Variants in GABRB1 observed in about 807,000 individuals in gnomAD.
GABRB1 encodes gamma-aminobutyric acid receptor subunit beta-1.
In GABRB1, 17 loss-of-function variants were observed where a neutral mutation model predicts 51.6. The observed-to-expected ratio is 0.33, with a 90% CI of 0.23 to 0.49. GABRB1 has a LOEUF of 0.49. Ranked by LOEUF, GABRB1 falls within the 20% of genes least tolerant of loss-of-function variation. The pLI is 0.99. For synonymous variants in GABRB1, 247 were observed against 218.9 expected (o/e 1.13, Z -1.14); for missense variants, 410 against 600.6 (o/e 0.68, Z 3.32).
At chr4:47,384,446 T>C (rs1176648928) in intron 5 of GABRB1, among the ~76,000 whole-genome samples, 1 of 151,556 alleles carries the variant, frequency 6.6e-6, no homozygotes, top group Non-Finnish European at 1.5e-5. Context: ...AAGGTGAATT[T>C]AAATAAAACA....
At chr4:47,213,701 C>T (rs1720451338) in intron 4 of GABRB1, among the ~76,000 whole-genome samples, 1 of 152,022 alleles carries the variant, frequency 6.6e-6, no homozygotes, top group South Asian at 2.1e-4. Context: ...TCCTGATTCT[C>T]ATTTCTGTTT....
chr4:47,284,703 A>G (rs955935359), intron 4 of GABRB1, among the ~76,000 whole-genome samples: 3 of 152,208 alleles, frequency 2.0e-5, no homozygotes, highest in African/African-American at 7.2e-5. Flanking sequence ...GGCAACCATG[A>G]TTGGTATGTT....
chr4:47,078,824 C>T (rs1449747356), intron 3 of GABRB1, among the ~76,000 whole-genome samples: 3 of 152,164 alleles, frequency 2.0e-5, no homozygotes, highest in Middle Eastern at 6.8e-3. Context: ...TTTTTTTATC[C>T]TCCAATTCCT....
intron 5 of GABRB1, among the ~76,000 whole-genome samples, chr4:47,344,992 G>A (rs1340605621): frequency 2.0e-5 from 3 of 152,104 alleles, no homozygotes; most frequent in Non-Finnish European, 4.4e-5. Context: ...CAAAGTGCTG[G>A]GATTACAGCC....
chr4:47,284,463 G>A (rs1430199386), intron 4 of GABRB1, among the ~76,000 whole-genome samples: 1 of 152,122 alleles, frequency 6.6e-6, no homozygotes, highest in Non-Finnish European at 1.5e-5. Context: ...ACTCAACCCC[G>A]AAATTCATAC....
rs1173636508 is a variant in GABRB1, at chr4:47,394,732, T to TA, written c.545-8575dup. 5.8e-3 allele frequency among the ~76,000 whole-genome samples: 848 copies of TA among 146,220 alleles called. 8 individuals carry two copies. Among genetic ancestry groups the TA allele is most frequent in the African/African-American group, 0.017 (702 of 40,138 alleles). ...TTTGCTGAGGCATTTTTCATCACAT[T>TA]AAAAAAAAAAAGTCCATGGGAGAAA... On this transcript the variant is annotated intron_variant, in intron 5 of 8. Coordinates refer to ENST00000295454, the MANE Select transcript of GABRB1 (RefSeq NM_000812.4).
chr4:47,272,007 G>A (rs1158699446), intron 4 of GABRB1, among the ~76,000 whole-genome samples: 1 of 146,940 alleles, frequency 6.8e-6, no homozygotes, highest in Non-Finnish European at 1.5e-5. Flanking sequence ...TAATAACTTT[G>A]TTATGTACAT....
intron 5 of GABRB1, among the ~76,000 whole-genome samples, chr4:47,353,408 T>C (rs1726436572): frequency 6.6e-6 from 1 of 152,236 alleles, no homozygotes; most frequent in Non-Finnish European, 1.5e-5. Flanking sequence ...ATAACTTGAT[T>C]ATTGCTAACT....
At chr4:47,067,015 G>T (rs1434261047) in intron 3 of GABRB1, among the ~76,000 whole-genome samples, 2 of 152,192 alleles carry the variant, frequency 1.3e-5, no homozygotes, top group East Asian at 3.8e-4. Flanking sequence ...AATGAATGCA[G>T]AATGAATGTT....
intron 5 of GABRB1, among the ~76,000 whole-genome samples, chr4:47,365,862 G>C (rs1472065094): frequency 1.3e-5 from 2 of 152,170 alleles, no homozygotes; most frequent in East Asian, 3.8e-4. Flanking sequence ...CCCAGAGGTG[G>C]TGGTGACTGG....
chr4:47,051,026 G>C (rs535013908), intron 3 of GABRB1, among the ~76,000 whole-genome samples: 121 of 152,070 alleles, frequency 8.0e-4, no homozygotes, highest in African/African-American at 2.7e-3. Flanking sequence ...CTGTGTGTTG[G>C]GTCAAGAAAA....
chr4:47,320,511 T>G (rs1725041760), intron 5 of GABRB1, among the ~76,000 whole-genome samples: 1 of 152,200 alleles, frequency 6.6e-6, no homozygotes, highest in Non-Finnish European at 1.5e-5. Flanking sequence ...AAAGACATTT[T>G]AATATGAAAA....
intron 4 of GABRB1, among the ~76,000 whole-genome samples, chr4:47,283,406 G>A (rs71609488): frequency 6.3e-5 from 4 of 63,118 alleles, no homozygotes; most frequent in South Asian, 5.9e-4. Flanking sequence ...TTTTTTTTGA[G>A]ACAGAGTCTC....
intron 3 of GABRB1, among the ~76,000 whole-genome samples, chr4:47,141,098 A>T (rs142255202): frequency 1.3e-5 from 2 of 151,988 alleles, no homozygotes; most frequent in African/African-American, 4.8e-5. Context: ...TTTTAAAAAA[A>T]AACAACTAAT....
intron 2 of GABRB1, 57 bp from the exon 3 acceptor site, chr4:47,032,360 C>T (rs1462002244): frequency 6.8e-7 from 1 of 1,462,518 alleles, no homozygotes; most frequent in Non-Finnish European, 9.3e-7. Flanking sequence ...CCCAGACCCT[C>T]CCCAGCCTGC....
At chr4:47,040,567 C>G (rs898857386) in intron 3 of GABRB1, among the ~76,000 whole-genome samples, 2 of 152,080 alleles carry the variant, frequency 1.3e-5, no homozygotes, top group African/African-American at 4.8e-5. Flanking sequence ...CACACCATCT[C>G]TTTCACTGCT....
intron 4 of GABRB1, among the ~76,000 whole-genome samples, chr4:47,274,395 T>C (rs947738626): frequency 1.3e-5 from 2 of 152,196 alleles, no homozygotes; most frequent in Admixed American, 1.3e-4. Context: ...AGGCCCGTTA[T>C]TATTATCCTC....
chr4:47,088,451 G>T (rs756056418), intron 3 of GABRB1, among the ~76,000 whole-genome samples: 8 of 152,180 alleles, frequency 5.3e-5, no homozygotes, highest in African/African-American at 9.7e-5. Context: ...AAGACTGTGG[G>T]TGCTAGGCTG....
chr4:47,120,746 C>A (rs1437502192), intron 3 of GABRB1, among the ~76,000 whole-genome samples: 1 of 152,118 alleles, frequency 6.6e-6, no homozygotes. Flanking sequence ...TCCCTTCTGA[C>A]CAATTGTGTC....
Sources: allele counts gnomAD v4.1 joint callset (sites outside exome capture counted in the v4.1 genomes callset), GRCh38; gene constraint gnomAD v4.1.1; transcripts MANE v1.5; gene names NCBI Gene and HGNC (gene_info 2026-07-23, HGNC 2026-07-21).